Variants in DRC8 observed in about 807,000 individuals in gnomAD.
The protein encoded by DRC8 is dynein regulatory complex subunit 8.
At chr1:245,059,273 T>G in the DRC8 span, 1 of 693,570 alleles carries the variant, frequency 1.4e-6, no homozygotes, top group Non-Finnish European at 2.5e-6. Flanking sequence ...CATGAGGCAA[T>G]ATCGGAGTGA....
At chr1:244,982,064 GC>G in the DRC8 span, among the ~76,000 whole-genome samples, 2 of 152,152 alleles carry the variant, frequency 1.3e-5, no homozygotes, top group Non-Finnish European at 2.9e-5. Flanking sequence ...ACAGCGGCTT[GC>G]AGCTGGAAGA....
chr1:245,065,073 CTTTTTTTTTTTT>C, the DRC8 span, among the ~76,000 whole-genome samples: 11,021 of 82,154 alleles, frequency 0.13, 541 homozygotes, highest in Middle Eastern at 0.19. Context: ...TAACATTCTT[CTTTTTTTTTTTT>C]TTTTTTTTTT....
At chr1:245,083,047 C>CTGTAATA in the DRC8 span, among the ~76,000 whole-genome samples, 3 of 152,086 alleles carry the variant, frequency 2.0e-5, no homozygotes, top group African/African-American at 7.2e-5. Flanking sequence ...CGGGGATCCC[C>CTGTAATA]AACCACCAGG....
At chr1:245,063,312 G>A in the DRC8 span, among the ~76,000 whole-genome samples, 1 of 152,136 alleles carries the variant, frequency 6.6e-6, no homozygotes, top group South Asian at 2.1e-4. Context: ...TCCTGAGAAA[G>A]TGCCTGAAGT....
chr1:244,998,595 A>G, the DRC8 span, among the ~76,000 whole-genome samples: 1 of 152,170 alleles, frequency 6.6e-6, no homozygotes, highest in Non-Finnish European at 1.5e-5. Context: ...CAGTCAAACA[A>G]ATGGCTAATA....
the DRC8 span, chr1:245,015,716 A>G: frequency 3.4e-6 from 1 of 291,138 alleles, no homozygotes; most frequent in Non-Finnish European, 6.9e-6. Flanking sequence ...TCTCAAAAAA[A>G]AAAAAAAAAG....
chr1:245,030,419 G>A, the DRC8 span, among the ~76,000 whole-genome samples: 1 of 152,214 alleles, frequency 6.6e-6, no homozygotes, highest in Non-Finnish European at 1.5e-5. Context: ...ATGGAAGGAT[G>A]TGCTTAGGTT....
At chr1:245,065,295 TG>T in the DRC8 span, among the ~76,000 whole-genome samples, 1 of 151,924 alleles carries the variant, frequency 6.6e-6, no homozygotes, top group Non-Finnish European at 1.5e-5. Flanking sequence ...TCAAGTGATC[TG>T]CCCGCCTCGG....
chr1:245,058,244 AAAT>A, the DRC8 span, among the ~76,000 whole-genome samples: 5 of 151,822 alleles, frequency 3.3e-5, no homozygotes, highest in East Asian at 3.9e-4. Context: ...CCCTTTCTAA[AAAT>A]AATAATAATA....
At chr1:245,088,112 C>CA in the DRC8 span, among the ~76,000 whole-genome samples, 1 of 152,066 alleles carries the variant, frequency 6.6e-6, no homozygotes, top group African/African-American at 2.4e-5. This position sits in a 1 kb window ranked among gnomAD's most constrained non-coding sequence, Gnocchi z 4.6. Context: ...TTATGGTGTG[C>CA]AAATGTACAG....
chr1:245,121,307 G>A, the DRC8 span, among the ~76,000 whole-genome samples: 1 of 152,196 alleles, frequency 6.6e-6, no homozygotes, highest in East Asian at 1.9e-4. Context: ...CCCATAAAAG[G>A]AATTAACTGG....
chr1:245,035,580 A>G, the DRC8 span, among the ~76,000 whole-genome samples: 1 of 152,200 alleles, frequency 6.6e-6, no homozygotes, highest in Non-Finnish European at 1.5e-5. Context: ...CAAAATGGAT[A>G]AAAGGGCTGG....
At chr1:245,113,911 G>A in the DRC8 span, among the ~76,000 whole-genome samples, 4 of 152,142 alleles carry the variant, frequency 2.6e-5, no homozygotes, top group South Asian at 2.1e-4. Context: ...AGACCTGCCC[G>A]ACTCCACGGT....
chr1:245,068,266 C>T, the DRC8 span, among the ~76,000 whole-genome samples: 4 of 152,094 alleles, frequency 2.6e-5, no homozygotes, highest in Admixed American at 2.0e-4. Context: ...CGGTTTTATT[C>T]CAGATTTCTT....
chr1:245,073,323 G>A, the DRC8 span, among the ~76,000 whole-genome samples: 8 of 152,172 alleles, frequency 5.3e-5, 1 homozygote, highest in South Asian at 1.7e-3. Flanking sequence ...TTTAGTAGAG[G>A]TGTGGTTTCA....
the DRC8 span, among the ~76,000 whole-genome samples, chr1:245,072,476 G>A: frequency 9.2e-5 from 14 of 152,040 alleles, no homozygotes; most frequent in Non-Finnish European, 1.9e-4. Flanking sequence ...GGCCTCAAGT[G>A]ATCCACCCAC....
At chr1:245,006,606 G>A in the DRC8 span, among the ~76,000 whole-genome samples, 8 of 152,220 alleles carry the variant, frequency 5.3e-5, no homozygotes, top group East Asian at 1.6e-3. Context: ...AATGACAATG[G>A]AAATGGAAGG....
At chr1:245,059,614 C>A in the DRC8 span, among the ~76,000 whole-genome samples, 1 of 152,098 alleles carries the variant, frequency 6.6e-6, no homozygotes, top group East Asian at 1.9e-4. Context: ...ATTAGCCAAC[C>A]AACAAAATCT....
the DRC8 span, among the ~76,000 whole-genome samples, chr1:245,062,289 T>A: frequency 2.0e-5 from 3 of 152,230 alleles, no homozygotes; most frequent in Admixed American, 6.5e-5. Flanking sequence ...TAGATCATTT[T>A]AAAAATCATT....
Sources: gnomAD v4.1 joint callset for allele counts (sites outside exome capture counted in the v4.1 genomes callset) on GRCh38, gnomAD v4.1.1 for gene constraint, Gnocchi (gnomAD v3.1) non-coding constraint, MANE v1.5 for transcripts, NCBI Gene and HGNC (gene_info 2026-07-23, HGNC 2026-07-21) for gene names.